ARFGEF1: variants seen among roughly 807,000 people sequenced by gnomAD.
The protein encoded by ARFGEF1 is ARF guanine nucleotide exchange factor 1.
ARFGEF1 carries 42 observed loss-of-function variants against 231.0 expected under a neutral mutation model. That is an observed-to-expected ratio of 0.18 (90% CI 0.14 to 0.24). The LOEUF (loss-of-function observed/expected upper bound fraction) is 0.24, where lower values mean the gene tolerates loss of function less well. Ranked by LOEUF, ARFGEF1 falls within the 10% of genes least tolerant of loss-of-function variation. The probability of loss-of-function intolerance (pLI) is 1.00; values close to 1 mark genes in which losing one functional copy is unlikely to be tolerated. For synonymous variants in ARFGEF1, 710 were observed against 732.3 expected (o/e 0.97, Z 0.49); for missense variants, 1,345 against 2,192.0 (o/e 0.61, Z 7.72).
At chr8:67,313,115 G>C (rs1272900409) in intron 1 of ARFGEF1, among the ~76,000 whole-genome samples, 1 of 152,170 alleles carries the variant, frequency 6.6e-6, no homozygotes, top group African/African-American at 2.4e-5. Flanking sequence ...AAGACATTTA[G>C]CTGGGTGCGA....
intron 20 of ARFGEF1, among the ~76,000 whole-genome samples, chr8:67,239,691 A>G (rs190780821): frequency 1.3e-5 from 2 of 152,302 alleles, no homozygotes; most frequent in African/African-American, 4.8e-5. Flanking sequence ...TCTTTTTTTA[A>G]AAGTTCCTCA....
At chr8:67,264,844 CA>C (rs1804784633) in intron 14 of ARFGEF1, among the ~76,000 whole-genome samples, 1 of 152,148 alleles carries the variant, frequency 6.6e-6, no homozygotes, top group African/African-American at 2.4e-5. Context: ...CTCTGTACGA[CA>C]CTCTTTTATA....
intron 1 of ARFGEF1, among the ~76,000 whole-genome samples, chr8:67,320,162 TG>T (rs1280989074): frequency 1.4e-5 from 2 of 140,296 alleles, no homozygotes; most frequent in East Asian, 4.2e-4. Context: ...TGGCGGAGGT[TG>T]CAGTGAGCCG....
downstream of ARFGEF1, chr8:67,175,170 T>G (rs1353837190): frequency 1.1e-5 from 8 of 710,024 alleles, no homozygotes; most frequent in African/African-American, 1.4e-4. Flanking sequence ...TTTAGTGATG[T>G]TTCACTATTT....
At chr8:67,300,303 T>C (rs1352462613) in intron 3 of ARFGEF1, among the ~76,000 whole-genome samples, 4 of 152,194 alleles carry the variant, frequency 2.6e-5, no homozygotes, top group Non-Finnish European at 5.9e-5. Flanking sequence ...TATAGTTGAA[T>C]ACATATAATT....
At chr8:67,229,671 G>A (rs546795043) in intron 23 of ARFGEF1, among the ~76,000 whole-genome samples, 2 of 152,114 alleles carry the variant, frequency 1.3e-5, no homozygotes, top group Non-Finnish European at 2.9e-5. Context: ...AACGTCTACA[G>A]AGCTCTCGCA....
chr8:67,342,585 C>A (rs962241570), intron 1 of ARFGEF1, among the ~76,000 whole-genome samples: 1 of 152,032 alleles, frequency 6.6e-6, no homozygotes, highest in Non-Finnish European at 1.5e-5. Context: ...CAGTCAGATA[C>A]AATATTACTC....
chr8:67,296,762 C>A, intron 4 of ARFGEF1, 152 bp from the exon 5 acceptor site: 1 of 573,608 alleles, frequency 1.7e-6, no homozygotes. Flanking sequence ...GTGATCCTCT[C>A]GCAGCAGCCT....
intron 14 of ARFGEF1, among the ~76,000 whole-genome samples, chr8:67,261,974 C>T (rs1052552403): frequency 6.6e-6 from 1 of 151,866 alleles, no homozygotes; most frequent in African/African-American, 2.4e-5. Flanking sequence ...GTCGTAAAAG[C>T]TGCCATGTAG....
chr8:67,300,660 C>CAAAAAAAA (rs200434355), intron 3 of ARFGEF1, among the ~76,000 whole-genome samples: 2 of 88,664 alleles, frequency 2.3e-5, no homozygotes, highest in African/African-American at 3.9e-5. Flanking sequence ...CTTGTCTCTT[C>CAAAAAAAA]AAAAAAAAAA....
chr8:67,190,515 CTG>C, intron 5 of ARFGEF1: 1 of 640,012 alleles, frequency 1.6e-6, no homozygotes, highest in Non-Finnish European at 2.8e-6. Flanking sequence ...AATCACCGAA[CTG>C]TGTATGTACA....
chr8:67,175,294 A>G, downstream of ARFGEF1: 1 of 1,602,990 alleles, frequency 6.2e-7, no homozygotes, highest in South Asian at 1.1e-5. Flanking sequence ...TTTTTATACC[A>G]GATTCAGAAA....
chr8:67,240,407 T>C, intron 19 of ARFGEF1, 117 bp from the exon 20 acceptor site: 1 of 1,019,130 alleles, frequency 9.8e-7, no homozygotes. Flanking sequence ...GGCAGTTATC[T>C]AGAAAGCTTT....
chr8:67,337,319 TC>T (rs886405154), intron 1 of ARFGEF1, among the ~76,000 whole-genome samples: 24 of 152,110 alleles, frequency 1.6e-4, no homozygotes, highest in Non-Finnish European at 1.5e-5. Context: ...TATCCTAGTG[TC>T]CCCCATTGAG....
chr8:67,279,446 C>T (rs981578930), intron 7 of ARFGEF1, among the ~76,000 whole-genome samples: 2 of 152,166 alleles, frequency 1.3e-5, no homozygotes, highest in Non-Finnish European at 2.9e-5. Flanking sequence ...ACAACTGGAT[C>T]TTCCCCATTA....
intron 1 of ARFGEF1, among the ~76,000 whole-genome samples, chr8:67,319,736 A>G (rs1055286290): frequency 1.3e-5 from 2 of 152,216 alleles, no homozygotes; most frequent in African/African-American, 2.4e-5. Context: ...TCTGTGAAAG[A>G]CAATGTTAAG....
downstream of ARFGEF1, among the ~76,000 whole-genome samples, chr8:67,196,831 C>A (rs1563824735): frequency 6.6e-6 from 1 of 152,178 alleles, no homozygotes; most frequent in South Asian, 2.1e-4. Context: ...GCTCGCAGTT[C>A]TAGCATCCAG....
rs924298056 is a variant in ARFGEF1 at position 67,343,022 on chromosome 8, G to A, written c.124+142C>T. On this transcript the variant is annotated intron_variant, in intron 1 of 38. Transcript: ENST00000262215. Reference sequence around the variant, plus strand: ...GCCGAGTTCCTGTCAACTCCAGACAGGGAACAGAGGGCTCCGCGAGGGCTT... The same window carrying A: ...GCCGAGTTCCTGTCAACTCCAGACAAGGAACAGAGGGCTCCGCGAGGGCTT... 10 of 967,890 alleles carry A rather than the reference G, an allele frequency of 1.0e-5. No homozygotes were observed. The Admixed American group carries it at 1.1e-4, about 11-fold the overall frequency. 60.0% of individuals were successfully genotyped at this position (967,890 alleles called of 1,614,324 possible). A position where few individuals can be genotyped will look rare whatever the true frequency, so the allele number is the denominator to read the frequency against.
At chr8:67,342,105 T>C (rs1481322318) in intron 1 of ARFGEF1, among the ~76,000 whole-genome samples, 3 of 152,240 alleles carry the variant, frequency 2.0e-5, no homozygotes, top group Non-Finnish European at 4.4e-5. Flanking sequence ...AATGCTTTTT[T>C]GTAAAGCCCA....
Sources: allele counts gnomAD v4.1 joint callset (sites outside exome capture counted in the v4.1 genomes callset), GRCh38; gene constraint gnomAD v4.1.1; transcripts MANE v1.5; gene names NCBI Gene and HGNC (gene_info 2026-07-23, HGNC 2026-07-21).